The following MTUS2 variants were observed in gnomAD, a reference collection of about 807,000 sequenced individuals.
The protein encoded by MTUS2 is microtubule-associated tumor suppressor candidate 2.
In MTUS2, 40 loss-of-function variants were observed where a neutral mutation model predicts 114.1. The observed-to-expected ratio is 0.35, with a 90% CI of 0.27 to 0.46. The LOEUF is 0.46. MTUS2 is among the 20% of genes least tolerant of loss of function. The pLI is 1.00. For missense variants in MTUS2, 1,679 were observed against 1,705.4 expected, an observed-to-expected ratio of 0.98 and a Z score of 0.27; for synonymous variants, 688 against 672.0, an observed-to-expected ratio of 1.02 and a Z score of -0.37.
intron 1 of MTUS2, among the ~76,000 whole-genome samples, chr13:28,838,759 G>A (rs1314467097): frequency 6.6e-6 from 1 of 151,990 alleles, no homozygotes; most frequent in Non-Finnish European, 1.5e-5. Context: ...GGGGGAAGCC[G>A]AGGGGGTTGG....
intron 11 of MTUS2, 62 bp from the exon 12 acceptor site, chr13:29,492,584 G>T: frequency 7.2e-7 from 1 of 1,387,462 alleles, no homozygotes; most frequent in South Asian, 1.2e-5. Context: ...TCTGCCAAAA[G>T]AGCCTTGTTT....
chr13:29,495,442 A>C lies in MTUS2; in HGVS notation c.3580-1796A>C, dbSNP rs570962247. On this transcript the variant is annotated intron_variant, in intron 12 of 15. Transcript: ENST00000612955. ...GAAACCTACTCAGGGAGGTTTGCAG[A>C]GAGGGTCCTCCACCATAAGAAAGCA... Among the ~76,000 whole-genome samples the C allele has an allele frequency of 2.6e-5, 4 of 151,784 alleles. No homozygotes were observed. The East Asian group carries it at 7.8e-4, about 29-fold the overall frequency.
chr13:29,114,567 GAA>G (rs1019497220), intron 5 of MTUS2, among the ~76,000 whole-genome samples: 11 of 152,192 alleles, frequency 7.2e-5, no homozygotes, highest in African/African-American at 2.7e-4. Flanking sequence ...GAGGGGGAGA[GAA>G]ATATATTAAA....
At chr13:28,969,177 G>A (rs907072567) in intron 2 of MTUS2, among the ~76,000 whole-genome samples, 12 of 152,108 alleles carry the variant, frequency 7.9e-5, no homozygotes, top group African/African-American at 2.9e-4. Context: ...AAATAGCTGG[G>A]ACCACAGGTG....
intron 2 of MTUS2, among the ~76,000 whole-genome samples, chr13:28,902,523 G>C (rs931817526): frequency 2.0e-5 from 3 of 152,000 alleles, no homozygotes. Flanking sequence ...CTAACTTGCT[G>C]AGAGTATTTG....
chr13:28,912,988 C>T (rs1880536827), intron 2 of MTUS2, among the ~76,000 whole-genome samples: 1 of 152,128 alleles, frequency 6.6e-6, no homozygotes, highest in Admixed American at 6.6e-5. Flanking sequence ...GCTGAAGTTG[C>T]TTATCAGCTT....
intron 8 of MTUS2, among the ~76,000 whole-genome samples, chr13:29,434,703 C>A (rs975043351): frequency 6.6e-6 from 1 of 152,216 alleles, no homozygotes; most frequent in African/African-American, 2.4e-5. Context: ...CTTCCCATTA[C>A]CACCAGCTTC....
At chr13:29,033,827 A>T in intron 3 of MTUS2, 58 bp from the exon 4 acceptor site, 1 of 1,603,470 alleles carries the variant, frequency 6.2e-7, no homozygotes, top group East Asian at 2.2e-5. Context: ...GTGGTCCTGT[A>T]TAGAACTCAC....
intron 15 of MTUS2, among the ~76,000 whole-genome samples, chr13:29,501,792 C>G (rs149311390): frequency 1.6e-3 from 241 of 152,294 alleles, no homozygotes; most frequent in African/African-American, 5.4e-3. Flanking sequence ...GTGTGTTACC[C>G]TTGCACACAT....
chr13:29,418,369 G>A (rs1455381864), intron 8 of MTUS2, among the ~76,000 whole-genome samples: 1 of 152,120 alleles, frequency 6.6e-6, no homozygotes, highest in Admixed American at 6.5e-5. Flanking sequence ...ACTGGCCCAA[G>A]TCTGGGAATT....
intron 8 of MTUS2, among the ~76,000 whole-genome samples, chr13:29,404,176 CAA>C (rs33920912): frequency 7.8e-6 from 1 of 127,770 alleles, no homozygotes; most frequent in Non-Finnish European, 1.6e-5. Flanking sequence ...TCCATCTCTA[CAA>C]AAAAAAAAAA....
At chr13:29,142,693 G>A (rs554840117) in intron 5 of MTUS2, among the ~76,000 whole-genome samples, 1 of 152,180 alleles carries the variant, frequency 6.6e-6, no homozygotes, top group African/African-American at 2.4e-5. Flanking sequence ...GCAACAGAGT[G>A]AGACTGTCTC....
chr13:29,358,956 G>GAA (rs34048029), intron 7 of MTUS2, among the ~76,000 whole-genome samples: 18,892 of 139,520 alleles, frequency 0.14, 1,594 homozygotes, highest in African/African-American at 0.21. Context: ...TCTCCTTTAA[G>GAA]AAAAAAAAAA....
intron 5 of MTUS2, among the ~76,000 whole-genome samples, chr13:29,214,180 G>T (rs1593175131): frequency 1.4e-5 from 2 of 145,006 alleles, no homozygotes; most frequent in Non-Finnish European, 1.5e-5. Flanking sequence ...ATACTACATT[G>T]TTTTTTTTTT....
At chr13:28,923,480 T>C (rs937261353) in intron 2 of MTUS2, among the ~76,000 whole-genome samples, 9 of 152,344 alleles carry the variant, frequency 5.9e-5, no homozygotes, top group Non-Finnish European at 1.0e-4. Context: ...CCAAAGATAA[T>C]TTAATCTTTA....
chr13:29,168,928 T>TGTG (rs1893436939), intron 5 of MTUS2, among the ~76,000 whole-genome samples: 1 of 17,266 alleles, frequency 5.8e-5, no homozygotes, highest in African/African-American at 1.6e-4. Context: ...GAAGAATATG[T>TGTG]TATAATGCCA....
At chr13:28,822,353 G>A (rs1873962099) in intron 1 of MTUS2, among the ~76,000 whole-genome samples, 1 of 152,284 alleles carries the variant, frequency 6.6e-6, no homozygotes. Flanking sequence ...AATCCAGGAG[G>A]ATGCCGAAAC....
chr13:28,908,884 A>G (rs1880221494), intron 2 of MTUS2, among the ~76,000 whole-genome samples: 1 of 151,598 alleles, frequency 6.6e-6, no homozygotes, highest in Admixed American at 6.6e-5. Flanking sequence ...TAAGGAAGGG[A>G]CCCAGTTTCA....
At chr13:28,908,843 A>C (rs1211834541) in intron 2 of MTUS2, among the ~76,000 whole-genome samples, 1 of 151,548 alleles carries the variant, frequency 6.6e-6, no homozygotes, top group Non-Finnish European at 1.5e-5. Context: ...TAAGTCTTTA[A>C]TCCATCTTGA....
Sources: allele counts gnomAD v4.1 joint callset (sites outside exome capture counted in the v4.1 genomes callset), GRCh38; gene constraint gnomAD v4.1.1; transcripts MANE v1.5; gene names NCBI Gene and HGNC (gene_info 2026-07-23, HGNC 2026-07-21).